CTNNA3: variants seen among roughly 807,000 people sequenced by gnomAD.
The protein encoded by CTNNA3 is catenin alpha 3.
CTNNA3 carries 76 observed loss-of-function variants against 95.7 expected under a neutral mutation model. The ratio of observed to expected loss-of-function variants is 0.79; its 90% CI spans 0.66 to 0.96. CTNNA3 has a LOEUF of 0.96. Among genes scored for constraint, CTNNA3 ranks in the 40% least tolerant of loss-of-function variants. The pLI, the probability that CTNNA3 is intolerant of heterozygous loss-of-function variation, is 0.00. For missense variants in CTNNA3, 1,191 were observed against 1,089.8 expected (o/e 1.09, Z -1.31); for synonymous variants, 431 against 374.4 (o/e 1.15, Z -1.74).
At chr10:66,576,416 T>G (rs1423829939) in intron 10 of CTNNA3, among the ~76,000 whole-genome samples, 1 of 152,084 alleles carries the variant, frequency 6.6e-6, no homozygotes, top group Admixed American at 6.6e-5. Flanking sequence ...GATGTATGAA[T>G]GAGCCCATCA....
intron 11 of CTNNA3, among the ~76,000 whole-genome samples, chr10:66,509,467 C>T (rs1840579430): frequency 6.6e-6 from 1 of 151,902 alleles, no homozygotes; most frequent in African/African-American, 2.4e-5. Flanking sequence ...GCAACATTTC[C>T]TTTATCTTTT....
intron 11 of CTNNA3, among the ~76,000 whole-genome samples, chr10:66,517,183 T>C (rs375032476): frequency 2.0e-5 from 3 of 152,188 alleles, no homozygotes; most frequent in African/African-American, 4.8e-5. Flanking sequence ...ATTGCGCCAC[T>C]GCACTCAAGC....
intron 4 of CTNNA3, among the ~76,000 whole-genome samples, chr10:67,529,465 G>A (rs1589393175): frequency 7.1e-6 from 1 of 140,938 alleles, no homozygotes; most frequent in Admixed American, 7.3e-5. Context: ...ACACAGGAAG[G>A]GGAACATCAC....
intron 12 of CTNNA3, among the ~76,000 whole-genome samples, chr10:66,336,007 C>T (rs899224494): frequency 7.9e-5 from 12 of 151,854 alleles, no homozygotes; most frequent in Non-Finnish European, 1.8e-4. Context: ...AGCGAGGCTC[C>T]GTGCTTGTAG....
intron 7 of CTNNA3, among the ~76,000 whole-genome samples, chr10:67,040,108 T>C (rs141110701): frequency 6.6e-6 from 1 of 152,128 alleles, no homozygotes; most frequent in Non-Finnish European, 1.5e-5. Flanking sequence ...TAGCAGTATT[T>C]GCTATGACAA....
chr10:67,619,920 G>A (rs914818539), intron 2 of CTNNA3, among the ~76,000 whole-genome samples: 2 of 152,066 alleles, frequency 1.3e-5, no homozygotes, highest in African/African-American at 4.8e-5. Context: ...TGGGTAGAGA[G>A]AAGGTCAGCT....
intron 10 of CTNNA3, among the ~76,000 whole-genome samples, chr10:66,525,511 T>C (rs2132034178): frequency 6.6e-6 from 1 of 152,288 alleles, no homozygotes; most frequent in Non-Finnish European, 1.5e-5. Context: ...TACTCTCTTC[T>C]ATAACAATAT....
At chr10:67,646,140 AT>A (rs944895712) in intron 2 of CTNNA3, among the ~76,000 whole-genome samples, 2 of 149,176 alleles carry the variant, frequency 1.3e-5, no homozygotes, top group East Asian at 3.9e-4. Flanking sequence ...TGACATTCCA[AT>A]TTTTTTGTGA....
intron 15 of CTNNA3, among the ~76,000 whole-genome samples, chr10:65,990,144 G>A (rs1435169753): frequency 6.6e-6 from 1 of 150,842 alleles, no homozygotes; most frequent in Non-Finnish European, 1.5e-5. Context: ...CAACACTTAG[G>A]TTGATTTCAC....
intron 17 of CTNNA3, 113 bp from the exon 18 acceptor site, chr10:65,920,730 G>A (rs927600253): frequency 2.6e-6 from 3 of 1,167,364 alleles, no homozygotes; most frequent in Non-Finnish European, 3.6e-6. Flanking sequence ...GGAGGCTGAG[G>A]AGGGAGGATC....
chr10:66,216,534 G>A (rs1013036818), intron 13 of CTNNA3, among the ~76,000 whole-genome samples: 1 of 152,058 alleles, frequency 6.6e-6, no homozygotes, highest in East Asian at 1.9e-4. Context: ...AAAGGTTTTT[G>A]TTTTGTTTTG....
chr10:66,916,799 T>G (rs2132583621), intron 7 of CTNNA3, among the ~76,000 whole-genome samples: 1 of 152,226 alleles, frequency 6.6e-6, no homozygotes, highest in Admixed American at 6.5e-5. Context: ...GGAGAATTGG[T>G]TGGTATGGAA....
At chr10:66,971,114 A>T (rs1418450528) in intron 7 of CTNNA3, among the ~76,000 whole-genome samples, 1 of 152,164 alleles carries the variant, frequency 6.6e-6, no homozygotes, top group African/African-American at 2.4e-5. Flanking sequence ...TACACTGGGC[A>T]GCAATGAGGC....
intron 17 of CTNNA3, among the ~76,000 whole-genome samples, chr10:65,930,266 C>A (rs2077232282): frequency 1.6e-5 from 2 of 125,828 alleles, no homozygotes; most frequent in African/African-American, 3.0e-5. Context: ...GAATTTAACA[C>A]AAGAAATTAA....
chr10:66,571,346 C>T (rs1290473194), intron 10 of CTNNA3, among the ~76,000 whole-genome samples: 1 of 152,156 alleles, frequency 6.6e-6, no homozygotes, highest in Non-Finnish European at 1.5e-5. Flanking sequence ...AGCATTACAA[C>T]TATCTGTGTT....
chr10:66,394,556 A>G (rs1457550002), intron 11 of CTNNA3, among the ~76,000 whole-genome samples: 1 of 149,004 alleles, frequency 6.7e-6, no homozygotes, highest in Admixed American at 6.7e-5. Context: ...GGGTTAAAAA[A>G]AAAAAAAAAA....
intron 15 of CTNNA3, among the ~76,000 whole-genome samples, chr10:66,060,889 T>A (rs2080182545): frequency 6.6e-6 from 1 of 152,110 alleles, no homozygotes; most frequent in South Asian, 2.1e-4. Flanking sequence ...AGTCACCCCA[T>A]CCTCTACCAC....
chr10:66,025,867 G>A (rs2079322581), intron 15 of CTNNA3, among the ~76,000 whole-genome samples: 1 of 152,136 alleles, frequency 6.6e-6, no homozygotes, highest in South Asian at 2.1e-4. Context: ...TGAATTAGCT[G>A]CAACAAAATA....
intron 7 of CTNNA3, among the ~76,000 whole-genome samples, chr10:66,913,901 G>A (rs1285575325): frequency 6.6e-6 from 1 of 152,140 alleles, no homozygotes; most frequent in African/African-American, 2.4e-5. Flanking sequence ...GACAACCTAA[G>A]ACTAAAATGA....
Sources: allele counts gnomAD v4.1 joint callset (sites outside exome capture counted in the v4.1 genomes callset), GRCh38; gene constraint gnomAD v4.1.1; transcripts MANE v1.5; gene names NCBI Gene and HGNC (gene_info 2026-07-23, HGNC 2026-07-21).